ESRRG: variants seen among roughly 807,000 people sequenced by gnomAD.
ESRRG encodes the protein estrogen-related receptor gamma.
In ESRRG, 13 loss-of-function variants were observed where a neutral mutation model predicts 44.0. The ratio of observed to expected loss-of-function variants is 0.30; its 90% CI spans 0.19 to 0.47. The LOEUF (loss-of-function observed/expected upper bound fraction) is 0.47, where lower values mean the gene tolerates loss of function less well. ESRRG is among the 20% of genes least tolerant of loss of function. ESRRG has a pLI of 1.00. For synonymous variants in ESRRG, 215 were observed against 214.6 expected, an observed-to-expected ratio of 1.00 and a Z score of -0.02; for missense variants, 395 against 580.6, an observed-to-expected ratio of 0.68 and a Z score of 3.29.
At chr1:216,941,969 A>G (rs748048586) in intron 1 of ESRRG, among the ~76,000 whole-genome samples, 1 of 152,152 alleles carries the variant, frequency 6.6e-6, no homozygotes, top group Non-Finnish European at 1.5e-5. Flanking sequence ...CTACAAGAGT[A>G]TATTCTGCGA....
chr1:217,033,197 A>G (rs1243500719), intron 1 of ESRRG, among the ~76,000 whole-genome samples: 1 of 152,214 alleles, frequency 6.6e-6, no homozygotes, highest in Non-Finnish European at 1.5e-5. Flanking sequence ...GAAGACACTG[A>G]AAGACAAAAA....
intron 6 of ESRRG, among the ~76,000 whole-genome samples, chr1:216,514,159 G>A (rs1002516351): frequency 2.6e-4 from 40 of 151,936 alleles, no homozygotes; most frequent in African/African-American, 9.4e-4. Flanking sequence ...CAGCTTTTAT[G>A]TTTTTTACCT....
At chr1:216,584,763 C>A (rs1033108939) in intron 3 of ESRRG, among the ~76,000 whole-genome samples, 2 of 152,178 alleles carry the variant, frequency 1.3e-5, no homozygotes, top group African/African-American at 4.8e-5. Context: ...AAGAAAGGTA[C>A]TAGTAACCTG....
intron 1 of ESRRG, among the ~76,000 whole-genome samples, chr1:216,943,057 A>AC (rs1452064640): frequency 6.6e-6 from 1 of 151,988 alleles, no homozygotes; most frequent in African/African-American, 2.4e-5. Context: ...CTTATTACAA[A>AC]AAAAAATACA....
chr1:216,512,796 C>A (rs2043101539), intron 6 of ESRRG, among the ~76,000 whole-genome samples: 1 of 151,944 alleles, frequency 6.6e-6, no homozygotes, highest in Non-Finnish European at 1.5e-5. Flanking sequence ...AGTTAAGGAC[C>A]CTGATATGGG....
intron 2 of ESRRG, among the ~76,000 whole-genome samples, chr1:216,923,557 C>T (rs1015666821): frequency 6.6e-6 from 1 of 152,108 alleles, no homozygotes; most frequent in African/African-American, 2.4e-5. Context: ...CCTTCAAAAG[C>T]TGGGATTGTG....
chr1:216,526,214 T>C (rs2149034891), intron 5 of ESRRG, among the ~76,000 whole-genome samples: 1 of 152,208 alleles, frequency 6.6e-6, no homozygotes, highest in East Asian at 1.9e-4. Context: ...ATCTGACTTG[T>C]GCCATCCCAC....
At chr1:216,517,129 C>CT (rs960289214) in intron 6 of ESRRG, among the ~76,000 whole-genome samples, 79 of 151,916 alleles carry the variant, frequency 5.2e-4, no homozygotes, top group African/African-American at 1.7e-3. Flanking sequence ...GGGACAGAGA[C>CT]TTTTTTTTAG....
At chr1:216,896,225 A>G (rs1476318361) in intron 2 of ESRRG, among the ~76,000 whole-genome samples, 3 of 152,304 alleles carry the variant, frequency 2.0e-5, no homozygotes, top group African/African-American at 7.2e-5. Context: ...AGAACTACTC[A>G]TGTTACTGGA....
chr1:216,622,608 T>C (rs1413497890), intron 3 of ESRRG, among the ~76,000 whole-genome samples: 1 of 136,848 alleles, frequency 7.3e-6, no homozygotes, highest in African/African-American at 2.8e-5. Flanking sequence ...CAAATGAAAA[T>C]TACACACACG....
At chr1:216,962,269 C>A (rs74141709) in intron 1 of ESRRG, among the ~76,000 whole-genome samples, 1 of 152,158 alleles carries the variant, frequency 6.6e-6, no homozygotes, top group African/African-American at 2.4e-5. Flanking sequence ...CTGGCATTGC[C>A]TAAGTACTAC....
Position 216,611,064 on chromosome 1 carries a change from G to A in ESRRG, c.589+39909C>T, listed in dbSNP as rs995260095. On this transcript the variant is annotated intron_variant, in intron 3 of 6. Transcript: ENST00000408911. ...CTAAAAATACAAAAATTAGCTGGGC[G>A]TAGTGGCAGGTGCCTGTAATCCCAG... Among the ~76,000 whole-genome samples, 16 of 151,816 alleles carry A rather than the reference G, an allele frequency of 1.1e-4. 1 individual carries two copies. Among genetic ancestry groups the A allele is most frequent in the Admixed American group, 2.0e-4 (3 of 15,232 alleles).
intron 2 of ESRRG, among the ~76,000 whole-genome samples, chr1:216,735,295 A>G (rs2089667894): frequency 6.6e-6 from 1 of 151,594 alleles, no homozygotes; most frequent in Non-Finnish European, 1.5e-5. Context: ...TGCACCCTCA[A>G]ACTCCTGTGC....
intron 1 of ESRRG, among the ~76,000 whole-genome samples, chr1:216,951,736 TGTGTG>T (rs2066991528): frequency 6.6e-6 from 1 of 151,244 alleles, no homozygotes; most frequent in South Asian, 2.1e-4. Context: ...TGTGTGTGTG[TGTGTG>T]TGTGTGTGTG....
intron 2 of ESRRG, among the ~76,000 whole-genome samples, chr1:216,839,123 T>C (rs1184455346): frequency 2.0e-5 from 3 of 152,218 alleles, no homozygotes; most frequent in African/African-American, 7.2e-5. Context: ...CTGACACTAC[T>C]TTATCAACTA....
chr1:216,671,487 C>A (rs753495481), intron 2 of ESRRG, among the ~76,000 whole-genome samples: 3 of 152,166 alleles, frequency 2.0e-5, no homozygotes, highest in Non-Finnish European at 4.4e-5. Flanking sequence ...AACCATCCAG[C>A]CTCTGGGTAT....
At chr1:216,683,038 G>A (rs1258740916) in intron 1 of ESRRG, among the ~76,000 whole-genome samples, 2 of 152,152 alleles carry the variant, frequency 1.3e-5, no homozygotes, top group African/African-American at 4.8e-5. Flanking sequence ...TGCAACGTGT[G>A]ATTTGAGAAA....
intron 3 of ESRRG, among the ~76,000 whole-genome samples, chr1:216,588,651 G>A (rs960838031): frequency 1.3e-5 from 2 of 152,176 alleles, no homozygotes; most frequent in African/African-American, 2.4e-5. Flanking sequence ...TAGGCTCAGA[G>A]AAGTTAAGCA....
chr1:216,640,559 T>C (rs1203387060), intron 3 of ESRRG, among the ~76,000 whole-genome samples: 1 of 151,608 alleles, frequency 6.6e-6, no homozygotes, highest in Non-Finnish European at 1.5e-5. Context: ...TCTCAAAAAA[T>C]GACCAGTGCT....
Sources: gnomAD v4.1 joint callset for allele counts (sites outside exome capture counted in the v4.1 genomes callset) on GRCh38, gnomAD v4.1.1 for gene constraint, MANE v1.5 for transcripts, NCBI Gene and HGNC (gene_info 2026-07-23, HGNC 2026-07-21) for gene names.